Variants in MARK3 observed in about 807,000 individuals in gnomAD.
The protein encoded by MARK3 is MAP/microtubule affinity-regulating kinase 3.
Under a neutral mutation model 90.1 loss-of-function variants are expected in MARK3, and 46 were observed. The observed-to-expected ratio is 0.51, with a 90% confidence interval of 0.40 to 0.65. The LOEUF is 0.65. Ranked by LOEUF, MARK3 falls within the 30% of genes least tolerant of loss-of-function variation. The probability of loss-of-function intolerance (pLI) is 0.00; values close to 1 mark genes in which losing one functional copy is unlikely to be tolerated. For synonymous variants in MARK3, 321 were observed against 332.6 expected, an observed-to-expected ratio of 0.97 and a Z score of 0.38; for missense variants, 818 against 947.2, an observed-to-expected ratio of 0.86 and a Z score of 1.79.
intron 2 of MARK3, among the ~76,000 whole-genome samples, chr14:103,426,017 A>G (rs1446664702): frequency 6.6e-6 from 1 of 152,244 alleles, no homozygotes; most frequent in African/African-American, 2.4e-5. Context: ...AAAGTATGAC[A>G]TGGGGAGACC....
chr14:103,395,369 A>G (rs56227024), intron 1 of MARK3, among the ~76,000 whole-genome samples: 59,135 of 150,628 alleles, frequency 0.39, 12,989 homozygotes, highest in African/African-American at 0.59. Context: ...AACATCATTC[A>G]AGTTGTGTCT....
chr14:103,500,656 G>T (rs185833073), intron 17 of MARK3, among the ~76,000 whole-genome samples: 9 of 151,902 alleles, frequency 5.9e-5, no homozygotes, highest in Admixed American at 3.3e-4. Flanking sequence ...CTGAGACACG[G>T]TGTCGCTCTG....
intron 8 of MARK3, 67 bp from the exon 9 acceptor site, chr14:103,465,902 TTTG>T (rs2093493245): frequency 6.4e-7 from 1 of 1,571,778 alleles, no homozygotes. Flanking sequence ...CAGGGGGTTT[TTTG>T]TTGTGTTTTG....
intron 2 of MARK3, among the ~76,000 whole-genome samples, chr14:103,423,754 A>G (rs17679127): frequency 0.1 from 15,833 of 152,280 alleles, 1,047 homozygotes; most frequent in Middle Eastern, 0.19. Context: ...CTGCACGTAC[A>G]CATGTCACAT....
At chr14:103,412,533 G>T in intron 2 of MARK3, 1 of 560,140 alleles carries the variant, frequency 1.8e-6, no homozygotes. Flanking sequence ...GATATCCGTG[G>T]CCTTGGTCTC....
intron 2 of MARK3, among the ~76,000 whole-genome samples, chr14:103,426,569 C>G (rs536954148): frequency 6.6e-6 from 1 of 152,024 alleles, no homozygotes; most frequent in Non-Finnish European, 1.5e-5. Context: ...GGTGCAAAGC[C>G]GAGTTACTTG....
chr14:103,485,842 G>A (rs918449632), intron 14 of MARK3, among the ~76,000 whole-genome samples: 4 of 151,988 alleles, frequency 2.6e-5, no homozygotes, highest in Non-Finnish European at 5.9e-5. Flanking sequence ...AGGTCAGCCT[G>A]GACAAAGTAG....
chr14:103,392,661 G>T (rs578095064), intron 1 of MARK3, among the ~76,000 whole-genome samples: 9 of 152,186 alleles, frequency 5.9e-5, no homozygotes, highest in South Asian at 2.1e-4. Context: ...CAGGTTCCAT[G>T]AGTTTAAAAA....
In MARK3 at chr14:103,405,058, G is replaced by C. The variant is rs1231252428; in HGVS notation, c.52-18G>C. On this transcript the variant is annotated intron_variant, in intron 1 of 17. Transcript: ENST00000429436. The stretch of plus-strand genomic sequence containing the variant: ...TGTGTTCTCTCATTTCCTTATCTTT[G>C]TGTATGCTGTATTGCAGCACACGTC... 6.2e-7 allele frequency: 1 copy of C among 1,602,988 alleles called. No homozygotes were observed. The highest frequency in any genetic ancestry group is 8.5e-7 in the Non-Finnish European group (1 of 1,175,168).
intron 13 of MARK3, among the ~76,000 whole-genome samples, chr14:103,478,092 C>G (rs953882176): frequency 4.0e-5 from 6 of 151,690 alleles, no homozygotes; most frequent in African/African-American, 1.2e-4. Flanking sequence ...GTCAGGCGTT[C>G]AAGACCAGCC....
chr14:103,415,990 G>A (rs2091928605), intron 2 of MARK3, among the ~76,000 whole-genome samples: 2 of 152,116 alleles, frequency 1.3e-5, no homozygotes, highest in African/African-American at 4.8e-5. Context: ...TTCTATTGCA[G>A]TGATATATTT....
At chr14:103,484,680 C>A (rs2093890970) in intron 14 of MARK3, among the ~76,000 whole-genome samples, 1 of 152,122 alleles carries the variant, frequency 6.6e-6, no homozygotes. Flanking sequence ...CACCTGTAAT[C>A]CCAGCATTTT....
chr14:103,468,987 C>G (rs1287766530), intron 12 of MARK3, among the ~76,000 whole-genome samples: 1 of 151,656 alleles, frequency 6.6e-6, no homozygotes, highest in East Asian at 1.9e-4. Context: ...TCTATTCACT[C>G]TCTTCACCTC....
At chr14:103,429,047 A>G (rs1226072701) in intron 3 of MARK3, 1 of 152,318 alleles carries the variant, frequency 6.6e-6, no homozygotes, top group Admixed American at 6.5e-5. Context: ...ACACTTACAT[A>G]ATAATGCCTA....
chr14:103,457,290 T>C, intron 6 of MARK3, 78 bp downstream of exon 6: 1 of 1,097,870 alleles, frequency 9.1e-7, no homozygotes, highest in Non-Finnish European at 1.4e-6. Flanking sequence ...AGTGTTTGCC[T>C]CCATAAATGC....
intron 3 of MARK3, among the ~76,000 whole-genome samples, chr14:103,443,310 C>T (rs1408783925): frequency 1.3e-5 from 2 of 152,162 alleles, no homozygotes; most frequent in Non-Finnish European, 2.9e-5. Flanking sequence ...TGTTCCAGAA[C>T]TTAAGAAGAG....
At chr14:103,420,996 C>T (rs1480185009) in intron 2 of MARK3, among the ~76,000 whole-genome samples, 1 of 152,166 alleles carries the variant, frequency 6.6e-6, no homozygotes, top group African/African-American at 2.4e-5. Flanking sequence ...TCCTAACGCA[C>T]CCTTGAGTGA....
Position 103,421,205 on chromosome 14 carries a change from AAAG to A in MARK3, c.244-7178_244-7176del, listed in dbSNP as rs535811469. ...TCAGTGTTAACCAATCATATATAGT[AAAG>A]AAGGTGTTCTTAAACAGACACACAC... On this transcript the variant is annotated intron_variant, in intron 2 of 17. Coordinates refer to ENST00000429436, the MANE Select transcript of MARK3 (RefSeq NM_001128918.3). 3.3e-5 allele frequency among the ~76,000 whole-genome samples: 5 copies of A among 152,332 alleles called. No individual in the cohort carries two copies. The East Asian group carries it at 9.7e-4, about 29-fold the overall frequency.
chr14:103,496,597 G>A (rs2075355502), intron 15 of MARK3, among the ~76,000 whole-genome samples: 1 of 152,058 alleles, frequency 6.6e-6, no homozygotes, highest in African/African-American at 2.4e-5. Flanking sequence ...ATTTTTAGTA[G>A]AGACAGGGTT....
Sources: allele counts gnomAD v4.1 joint callset (sites outside exome capture counted in the v4.1 genomes callset), GRCh38; gene constraint gnomAD v4.1.1; transcripts MANE v1.5; gene names NCBI Gene and HGNC (gene_info 2026-07-23, HGNC 2026-07-21).